The following DNAJC15 variants were observed in gnomAD, a reference collection of about 807,000 sequenced individuals.
The protein encoded by DNAJC15 is DnaJ heat shock protein family (Hsp40) member C15.
DNAJC15 carries 27 observed loss-of-function variants against 22.4 expected under a neutral mutation model. That is an observed-to-expected ratio of 1.20 (90% CI 0.89 to 1.66). DNAJC15 has a LOEUF of 1.66. DNAJC15 is among the 40% of genes most tolerant of loss of function. DNAJC15 has a pLI of 0.00. For synonymous variants in DNAJC15, 79 were observed against 63.2 expected (o/e 1.25, Z -1.19); for missense variants, 208 against 187.1 (o/e 1.11, Z -0.65).
chr13:43,057,042 A>T (rs1683422276), intron 1 of DNAJC15, among the ~76,000 whole-genome samples: 1 of 152,174 alleles, frequency 6.6e-6, no homozygotes, highest in Non-Finnish European at 1.5e-5. Flanking sequence ...AACACTTAAG[A>T]TTCTTTCCTT....
intron 5 of DNAJC15, among the ~76,000 whole-genome samples, 183 bp from the exon 6 acceptor site, chr13:43,106,995 T>C (rs948482129): frequency 1.3e-5 from 2 of 152,040 alleles, no homozygotes; most frequent in Non-Finnish European, 2.9e-5. Flanking sequence ...TGTTGGGTAG[T>C]TGTAGGACTT....
intron 1 of DNAJC15, among the ~76,000 whole-genome samples, chr13:43,050,762 A>AT (rs554429011): frequency 1.3e-4 from 20 of 152,268 alleles, no homozygotes; most frequent in Non-Finnish European, 2.1e-4. Context: ...AATTTTTAAG[A>AT]TTTAAAAAAT....
intron 3 of DNAJC15, among the ~76,000 whole-genome samples, chr13:43,071,709 G>A (rs925263063): frequency 5.9e-5 from 9 of 152,130 alleles, no homozygotes; most frequent in Non-Finnish European, 8.8e-5. Flanking sequence ...GTAATTGTGG[G>A]TCACTAAATC....
chr13:43,072,290 T>A (rs2040612766), intron 3 of DNAJC15, among the ~76,000 whole-genome samples: 1 of 152,172 alleles, frequency 6.6e-6, no homozygotes, highest in African/African-American at 2.4e-5. Context: ...GAAAATGGTC[T>A]TTAGTTCTGT....
At chr13:43,095,895 G>A (rs978281613) in intron 5 of DNAJC15, among the ~76,000 whole-genome samples, 1 of 152,158 alleles carries the variant, frequency 6.6e-6, no homozygotes, top group Non-Finnish European at 1.5e-5. Context: ...CGGAAGTTGA[G>A]TTAGCTTATA....
At chr13:43,062,976 C>T (rs1271793488) in intron 1 of DNAJC15, among the ~76,000 whole-genome samples, 2 of 151,654 alleles carry the variant, frequency 1.3e-5, no homozygotes, top group African/African-American at 4.9e-5. Flanking sequence ...ACCTCGGCTT[C>T]CCAAAGTGCT....
At chr13:43,040,038 A>AAG (rs1555274121) in intron 1 of DNAJC15, among the ~76,000 whole-genome samples, 4 of 151,424 alleles carry the variant, frequency 2.6e-5, no homozygotes, top group African/African-American at 4.9e-5. Context: ...AGAGAGAAAA[A>AAG]GAAATATATA....
In DNAJC15 at chr13:43,023,758, C is replaced by T. The variant is rs751895137; in HGVS notation, c.108+24C>T. The T allele has an allele frequency of 8.9e-6, 14 of 1,580,080 alleles. No individual in the cohort carries two copies. The Admixed American group carries it at 1.9e-4, about 22-fold the overall frequency. Reference sequence around the variant, plus strand: ...TGGTGAGTCCTGCCAGCGGCCCCCACCCCTCTCTGGCTCCCTTGTAGTTTC... The same window carrying T: ...TGGTGAGTCCTGCCAGCGGCCCCCATCCCTCTCTGGCTCCCTTGTAGTTTC... On this transcript the variant is annotated intron_variant, in intron 1 of 5. Coordinates refer to ENST00000379221, the MANE Select transcript of DNAJC15 (RefSeq NM_013238.3).
At chr13:43,104,862 A>G (rs928085338) in intron 5 of DNAJC15, among the ~76,000 whole-genome samples, 7 of 149,918 alleles carry the variant, frequency 4.7e-5, no homozygotes, top group African/African-American at 1.7e-4. Flanking sequence ...CTAATTTTTT[A>G]ATTTTTTGTA....
At chr13:43,092,232 T>G (rs2040718522) in intron 5 of DNAJC15, among the ~76,000 whole-genome samples, 1 of 152,188 alleles carries the variant, frequency 6.6e-6, no homozygotes, top group Non-Finnish European at 1.5e-5. Context: ...ATATCTCTCA[T>G]GATTTATAGT....
At chr13:43,038,531 G>A (rs1187629891) in intron 1 of DNAJC15, among the ~76,000 whole-genome samples, 1 of 152,200 alleles carries the variant, frequency 6.6e-6, no homozygotes, top group Non-Finnish European at 1.5e-5. Flanking sequence ...GGTGGCTCAT[G>A]CCTGTAATCC....
At chr13:43,042,948 G>T (rs901300362) in intron 1 of DNAJC15, among the ~76,000 whole-genome samples, 2 of 152,116 alleles carry the variant, frequency 1.3e-5, no homozygotes, top group Non-Finnish European at 2.9e-5. Flanking sequence ...CTGGGTTCAA[G>T]AACTTAAAGC....
At chr13:43,025,629 G>A (rs1184615959) in intron 1 of DNAJC15, among the ~76,000 whole-genome samples, 1 of 152,192 alleles carries the variant, frequency 6.6e-6, no homozygotes, top group Admixed American at 6.5e-5. Flanking sequence ...TACAGGCTGC[G>A]AGCGGTGTCT....
chr13:43,046,740 T>C (rs1234814707), intron 1 of DNAJC15, among the ~76,000 whole-genome samples: 1 of 152,108 alleles, frequency 6.6e-6, no homozygotes, highest in Non-Finnish European at 1.5e-5. Context: ...ACTCTTCTGG[T>C]CCGTGTTTGT....
At chr13:43,092,841 G>A (rs2153441901) in intron 5 of DNAJC15, among the ~76,000 whole-genome samples, 1 of 152,284 alleles carries the variant, frequency 6.6e-6, no homozygotes, top group African/African-American at 2.4e-5. Flanking sequence ...TTAAGCCTGG[G>A]AGATGGAGGC....
At chr13:43,030,353 A>G (rs74063023) in intron 1 of DNAJC15, among the ~76,000 whole-genome samples, 2,202 of 152,320 alleles carry the variant, frequency 0.014, 56 homozygotes, top group African/African-American at 0.048. Flanking sequence ...GTAAAGGGTT[A>G]GATAGTAACC....
chr13:43,091,898 C>T (rs1423210984), intron 5 of DNAJC15, among the ~76,000 whole-genome samples: 2 of 152,098 alleles, frequency 1.3e-5, no homozygotes, highest in Non-Finnish European at 2.9e-5. Flanking sequence ...AGAGAACATA[C>T]TCTGATTTCA....
intron 5 of DNAJC15, among the ~76,000 whole-genome samples, chr13:43,092,111 T>TG (rs1452590494): frequency 6.6e-6 from 1 of 152,196 alleles, no homozygotes; most frequent in African/African-American, 2.4e-5. Flanking sequence ...ACAGTGATTG[T>TG]GGATTTGTCT....
intron 2 of DNAJC15, 85 bp downstream of exon 2, chr13:43,065,822 A>G (rs2040580936): frequency 1.6e-6 from 2 of 1,256,260 alleles, no homozygotes; most frequent in Non-Finnish European, 2.3e-6. Flanking sequence ...GACCCTTAGT[A>G]TTCTGAGGTT....
Sources: allele counts gnomAD v4.1 joint callset (sites outside exome capture counted in the v4.1 genomes callset), GRCh38; gene constraint gnomAD v4.1.1; transcripts MANE v1.5; gene names NCBI Gene and HGNC (gene_info 2026-07-23, HGNC 2026-07-21).